C16orf74: variants seen among roughly 807,000 people sequenced by gnomAD.
C16orf74 encodes the protein calcimembrin, also known as uncharacterized protein C16orf74.
In C16orf74, 10 loss-of-function variants were observed where a neutral mutation model predicts 6.5. The observed-to-expected ratio is 1.54, with a 90% CI of 0.95 to 2.61. The LOEUF (loss-of-function observed/expected upper bound fraction) is 2.61. Ranked by LOEUF, C16orf74 falls within the 30% of genes most tolerant of loss-of-function variation. The probability of loss-of-function intolerance (pLI) is 0.00; values close to 1 mark genes in which losing one functional copy is unlikely to be tolerated. For synonymous variants in C16orf74, 60 were observed against 42.5 expected (o/e 1.41, Z -1.60); for missense variants, 141 against 105.9 (o/e 1.33, Z -1.45).
chr16:85,750,248 T>G (rs1334588072), intron 1 of C16orf74, among the ~76,000 whole-genome samples: 2 of 152,186 alleles, frequency 1.3e-5, no homozygotes, highest in Non-Finnish European at 2.9e-5. Flanking sequence ...CTTGATTCCA[T>G]CTGGGCCCCG....
intron 2 of C16orf74, among the ~76,000 whole-genome samples, chr16:85,713,921 G>C (rs1451740779): frequency 2.6e-5 from 4 of 152,132 alleles, no homozygotes; most frequent in Admixed American, 2.0e-4. Flanking sequence ...CTTCCCTTTG[G>C]TCTTAACCTG....
At chr16:85,712,926 G>A (rs1271124391) in intron 2 of C16orf74, among the ~76,000 whole-genome samples, 6 of 152,278 alleles carry the variant, frequency 3.9e-5, no homozygotes, top group South Asian at 2.1e-4. Flanking sequence ...GGTCATGCCC[G>A]GAGAGACAGC....
At chr16:85,741,922 T>C (rs983041720) in intron 1 of C16orf74, among the ~76,000 whole-genome samples, 1 of 152,194 alleles carries the variant, frequency 6.6e-6, no homozygotes, top group Non-Finnish European at 1.5e-5. Flanking sequence ...TATTTGTCCC[T>C]TCCAAACCTC....
intron 2 of C16orf74, among the ~76,000 whole-genome samples, chr16:85,733,451 CCTT>C (rs1419124617): frequency 6.6e-6 from 1 of 152,158 alleles, no homozygotes; most frequent in East Asian, 1.9e-4. Flanking sequence ...GATGATGAAA[CCTT>C]CATTCTGAAG....
chr16:85,718,058 G>A (rs1352190079), intron 2 of C16orf74, among the ~76,000 whole-genome samples: 2 of 152,214 alleles, frequency 1.3e-5, no homozygotes, highest in African/African-American at 4.8e-5. Flanking sequence ...CACGGCTCAC[G>A]TGCGCCCTCT....
intron 1 of C16orf74, among the ~76,000 whole-genome samples, chr16:85,742,757 T>C (rs2054324332): frequency 6.6e-6 from 1 of 152,172 alleles, no homozygotes; most frequent in African/African-American, 2.4e-5. Flanking sequence ...ATCAGGCTAG[T>C]CTTGAACTCC....
intron 1 of C16orf74, 36 bp from the exon 2 acceptor site, chr16:85,735,271 C>A: frequency 1.3e-6 from 2 of 1,512,884 alleles, no homozygotes; most frequent in Non-Finnish European, 1.8e-6. Context: ...GAGGGGAGGG[C>A]GCGACTTGTT....
Position 85,730,344 on chromosome 16 carries a change from C to T in C16orf74, c.28+4846G>A, listed in dbSNP as rs75400334. ...TGACTGTAGCTGGTCACTTCCTCTC[C>T]TTGGTCCTCAACTTCCCTATCTGTA... On this transcript the variant is annotated intron_variant, in intron 2 of 3. Transcript: ENST00000284245. Among the ~76,000 whole-genome samples the T allele has an allele frequency of 4.0e-3, 607 of 152,258 alleles. 2 individuals are homozygous for T. Among genetic ancestry groups the T allele is most frequent in the African/African-American group, 0.014 (573 of 41,548 alleles).
chr16:85,724,234 C>T (rs1197764355), intron 2 of C16orf74, among the ~76,000 whole-genome samples: 1 of 152,170 alleles, frequency 6.6e-6, no homozygotes, highest in Non-Finnish European at 1.5e-5. Context: ...GCCAGGGAGA[C>T]CCCCGGTGGG....
chr16:85,718,689 G>A (rs966545885), intron 2 of C16orf74, among the ~76,000 whole-genome samples: 2 of 152,224 alleles, frequency 1.3e-5, no homozygotes, highest in Non-Finnish European at 2.9e-5. Flanking sequence ...TTCTATATGC[G>A]TTTTGTGGAT....
At chr16:85,725,068 G>A (rs527597833) in intron 2 of C16orf74, among the ~76,000 whole-genome samples, 2 of 152,294 alleles carry the variant, frequency 1.3e-5, no homozygotes, top group African/African-American at 2.4e-5. Context: ...TGACTGATGG[G>A]GGGGGGACCG....
rs373038063 is a variant in C16orf74 at position 85,749,643 on chromosome 16, T to C, written c.-19+1283A>G. ...TTGGTTGGAGAGTTGGTCAGGGGAT[T>C]AAAACAGAAAACGCAGGGTCTGGTG... is the stretch of plus-strand genomic sequence containing the variant. On this transcript the variant is annotated intron_variant, in intron 1 of 3. Coordinates refer to ENST00000284245, the MANE Select transcript of C16orf74 (RefSeq NM_206967.3). Among the ~76,000 whole-genome samples, 14 of 152,330 alleles carry C rather than the reference T, an allele frequency of 9.2e-5. No individual in the cohort carries two copies. In the East Asian group the frequency reaches 2.5e-3, roughly 27 times the overall value.
intron 2 of C16orf74, among the ~76,000 whole-genome samples, chr16:85,719,660 C>G (rs74034063): frequency 0.034 from 5,139 of 152,100 alleles, 260 homozygotes; most frequent in African/African-American, 0.12. Context: ...ACTCACAGTA[C>G]CAAGAAGCAG....
At chr16:85,711,653 G>A (rs191021474) in intron 2 of C16orf74, among the ~76,000 whole-genome samples, 78 of 148,496 alleles carry the variant, frequency 5.3e-4, no homozygotes, top group African/African-American at 1.7e-3. Flanking sequence ...AAAATTAAAC[G>A]CAACCAAAAA....
At chr16:85,735,769 A>G (rs1388115933) in intron 1 of C16orf74, among the ~76,000 whole-genome samples, 1 of 151,526 alleles carries the variant, frequency 6.6e-6, no homozygotes, top group East Asian at 1.9e-4. Context: ...GCCCACGGGT[A>G]TTAGAATTGT....
At chr16:85,744,656 C>T (rs1224141633) in intron 1 of C16orf74, among the ~76,000 whole-genome samples, 1 of 151,996 alleles carries the variant, frequency 6.6e-6, no homozygotes, top group Non-Finnish European at 1.5e-5. Flanking sequence ...CGGTGAAACC[C>T]TGTCTCTACT....
At chr16:85,717,525 T>C (rs1345498395) in intron 2 of C16orf74, among the ~76,000 whole-genome samples, 1 of 152,038 alleles carries the variant, frequency 6.6e-6, no homozygotes, top group Non-Finnish European at 1.5e-5. Flanking sequence ...GTGTGGGGTG[T>C]GGGGCTGCCA....
intron 1 of C16orf74, among the ~76,000 whole-genome samples, chr16:85,749,224 G>A (rs2054408356): frequency 6.6e-6 from 1 of 152,116 alleles, no homozygotes; most frequent in Non-Finnish European, 1.5e-5. Context: ...TTCCAGCCAT[G>A]TAACCTTGTG....
At position 85,707,989 on chromosome 16, in the gene C16orf74, C is replaced by A; in HGVS notation, c.*19G>T. 6.4e-7 allele frequency: 1 copy of A among 1,550,784 alleles called. No homozygotes were observed. Among genetic ancestry groups the A allele is most frequent in the Non-Finnish European group, 8.7e-7 (1 of 1,146,526 alleles). ...GGCCGCTGGAGCAGGAGCCAGCCAG[C>A]CAAACCCAGGACACCTCCTCAGGCT... On this transcript the variant is annotated 3_prime_UTR_variant, in exon 4 of 4. Transcript: ENST00000284245.
Sources: allele counts gnomAD v4.1 joint callset (sites outside exome capture counted in the v4.1 genomes callset), GRCh38; gene constraint gnomAD v4.1.1; transcripts MANE v1.5; gene names NCBI Gene and HGNC (gene_info 2026-07-23, HGNC 2026-07-21).